The following ATP13A2 variants were observed in gnomAD, a reference collection of about 807,000 sequenced individuals.
ATP13A2 encodes the protein polyamine-transporting ATPase 13A2.
Under a neutral mutation model 138.3 loss-of-function variants are expected in ATP13A2, and 83 were observed. The ratio of observed to expected loss-of-function variants is 0.60; its 90% CI spans 0.50 to 0.72. The LOEUF (loss-of-function observed/expected upper bound fraction) is 0.72. Ranked by LOEUF, ATP13A2 falls within the 30% of genes least tolerant of loss-of-function variation. The pLI, the probability that ATP13A2 is intolerant of heterozygous loss-of-function variation, is 0.00. For missense variants in ATP13A2, 1,402 were observed against 1,606.4 expected (o/e 0.87, Z 2.17); for synonymous variants, 663 against 699.0 (o/e 0.95, Z 0.81).
rs774316771 is a variant in ATP13A2, at chr1:17,002,126, G to C, written c.636-23C>G. ...TTCCTGGAAGAGGGGATGAGGCCAAGCCATCAGAAGGAGGAGCTGTGGCTG... is the reference window on the plus strand; with the variant it reads ...TTCCTGGAAGAGGGGATGAGGCCAACCCATCAGAAGGAGGAGCTGTGGCTG... On this transcript the variant is annotated intron_variant, in intron 7 of 28. Coordinates refer to ENST00000326735, the MANE Select transcript of ATP13A2 (RefSeq NM_022089.4). 1.9e-6 allele frequency: 3 copies of C among 1,610,664 alleles called. No homozygotes were observed. The Admixed American group carries it at 5.0e-5, about 27-fold the overall frequency.
Position 16,990,280 on chromosome 1 carries a change from G to T in ATP13A2, c.2259C>A (p.Asn753Lys). The T allele has an allele frequency of 6.2e-7, 1 of 1,614,038 alleles. No homozygotes were observed. Among genetic ancestry groups the T allele is most frequent in the Non-Finnish European group, 8.5e-7 (1 of 1,180,028 alleles). ...GGGCCACAGTCACCGCTGTCTGCAG[G>T]TTGTCCCCTGGGGGTTATGGGGCAA... ...RIRAVMVTGD[N>K]LQTAVTVARG... is the part of the protein sequence containing the mutation. The change falls in exon 21 of 29, where the codon AAC becomes AAA. Residue 753 changes from asparagine (N) to lysine (K), a missense_variant. Asn to Lys is a moderately conservative substitution (Grantham distance 94). Transcript: ENST00000326735.
rs771707117 is a variant in ATP13A2, at chr1:16,996,020, G to A, written c.1498C>T (p.Arg500Cys). Residue 500 changes from arginine (R) to cysteine (C), a missense_variant, in exon 15 of 29, where the codon CGC becomes TGC. Transcript: ENST00000326735. Reference sequence around the variant, plus strand: ...TGCAGCTTGCCCCCCAGGTTGATGCGCAGTGGGTGGATGCAGAAAATGCCC... The same window carrying A: ...TGCAGCTTGCCCCCCAGGTTGATGCACAGTGGGTGGATGCAGAAAATGCCC... ...RQGIFCIHPL[R>C]INLGGKLQLV... The A allele has an allele frequency of 1.1e-5, 17 of 1,613,936 alleles. 1 individual carries two copies. The highest frequency in any genetic ancestry group is 8.0e-5 in the African/African-American group (6 of 74,942).
At chr1:16,987,862 C>T (rs967286858) in intron 25 of ATP13A2, among the ~76,000 whole-genome samples, 8 of 152,190 alleles carry the variant, frequency 5.3e-5, no homozygotes, top group African/African-American at 1.9e-4. Context: ...TCAGTCTTCC[C>T]TGCAGATTGG....
At chr1:16,987,378 C>T in intron 25 of ATP13A2, 109 bp from the exon 26 acceptor site, 1 of 1,064,466 alleles carries the variant, frequency 9.4e-7, no homozygotes, top group Non-Finnish European at 1.4e-6. Flanking sequence ...ATGGGTAAGG[C>T]ATCCCCCAGT....
In ATP13A2 at chr1:16,987,170, G is replaced by C. The variant is rs777890363; in HGVS notation, c.2959C>G (p.Leu987Val). The C allele has an allele frequency of 1.9e-6, 3 of 1,613,516 alleles. No individual in the cohort carries two copies. The highest frequency in any genetic ancestry group is 2.5e-6 in the Non-Finnish European group (3 of 1,179,834). Reference sequence around the variant, plus strand: ...GCCCCCGGTGGCCGCACCCGTCCCAGGACCAGCGCTGGCCCCGTGCGGCTC... The same window carrying C: ...GCCCCCGGTGGCCGCACCCGTCCCACGACCAGCGCTGGCCCCGTGCGGCTC... ...LMSRTGPALVLGRVRPPGALL... is the reference protein window; with the variant it reads ...LMSRTGPALVVGRVRPPGALL... The change falls in exon 26 of 29, where the codon CTG (leucine) becomes GTG (valine). Residue 987 changes from leucine (L) to valine (V), a missense_variant. Transcript: ENST00000326735.
rs779367060 is a variant in ATP13A2, at chr1:16,992,384, C to A, written c.1864G>T (p.Val622Phe). The change falls in exon 18 of 29, where the codon GTC becomes TTC. Residue 622 changes from valine (V) to phenylalanine (F), a missense_variant. By Grantham distance (50) the Val-to-Phe change is conservative. Transcript: ENST00000326735. ...AAGGGGAAGCGGTGGAGGACGCTGA[C>A]TGGCACCGGGGGCTCCTCCTGCAGG... Reference protein sequence around the residue: ...LQAMEEPPVPVSVLHRFPFSS... With the variant: ...LQAMEEPPVPFSVLHRFPFSS... 1.5e-5 allele frequency: 24 copies of A among 1,613,596 alleles called. No homozygotes were observed. Among genetic ancestry groups the A allele is most frequent in the Non-Finnish European group, 1.9e-5 (23 of 1,179,938 alleles).
Position 17,004,598 on chromosome 1 carries a change from A to G in ATP13A2, c.477+94T>C, listed in dbSNP as rs1570889113. 1 of 1,609,844 alleles carries G rather than the reference A, an allele frequency of 6.2e-7. No homozygotes were observed. The highest frequency in any genetic ancestry group is 8.5e-7 in the Non-Finnish European group (1 of 1,177,046). On this transcript the variant is annotated intron_variant, in intron 5 of 28. Transcript: ENST00000326735. The surrounding 1 kb of genome is among the most constrained non-coding windows in gnomAD (Gnocchi z 4.1). ...CCTGGATGTTTGGGACAACAGAACT[A>G]AAAGGTGGTGGGAGAACATGAAGTC... is the stretch of plus-strand genomic sequence containing the variant.
intron 2 of ATP13A2, 40 bp downstream of exon 2, chr1:17,005,643 CA>C (rs1368558043): frequency 5.6e-6 from 9 of 1,612,806 alleles, no homozygotes; most frequent in Non-Finnish European, 7.6e-6. Context: ...CCTGGGCATT[CA>C]CCCCCTGCAG....
Position 16,995,513 on chromosome 1 carries a change from A to C in ATP13A2, c.1542+463T>G. ...AGTTTTGCTCTGTCACCCAGGCTGG[A>C]GTACAATGGCATGATCTTGGCTCAC... On this transcript the variant is annotated intron_variant, in intron 15 of 28. Transcript: ENST00000326735. The surrounding 1 kb of genome is among the most constrained non-coding windows in gnomAD (Gnocchi z 4.1). 1 of 236,686 alleles carries C rather than the reference A, an allele frequency of 4.2e-6. No individual in the cohort carries two copies. The highest frequency in any genetic ancestry group is 8.5e-6 in the Non-Finnish European group (1 of 118,146). 14.7% of individuals were successfully genotyped at this position (236,686 alleles called of 1,614,324 possible).
intron 3 of ATP13A2, 90 bp downstream of exon 3, chr1:17,005,284 T>A: frequency 6.5e-7 from 1 of 1,531,574 alleles, no homozygotes; most frequent in South Asian, 1.2e-5. Flanking sequence ...CCATGGAAAG[T>A]CAGTGGCCGG....
At chr1:16,996,695 T>G in intron 12 of ATP13A2, 199 bp from the exon 13 acceptor site, 1 of 624,926 alleles carries the variant, frequency 1.6e-6, no homozygotes, top group Non-Finnish European at 2.8e-6. Context: ...AACTAGTGGA[T>G]AGCATCTAAA....
At chr1:16,997,972 G>A (rs1056358717) in intron 11 of ATP13A2, among the ~76,000 whole-genome samples, 3 of 152,154 alleles carry the variant, frequency 2.0e-5, no homozygotes, top group Non-Finnish European at 4.4e-5. Context: ...CTGCATGCTC[G>A]CCATGGCCCT....
intron 6 of ATP13A2, among the ~76,000 whole-genome samples, chr1:17,003,952 G>A (rs562813690): frequency 1.1e-3 from 163 of 152,190 alleles, no homozygotes; most frequent in African/African-American, 3.4e-3. Context: ...GTGAGCCACC[G>A]CACCCAGCCT....
chr1:16,993,736 C>G lies in ATP13A2; in HGVS notation c.1642G>C (p.Val548Leu). The G allele has an allele frequency of 6.3e-7, 1 of 1,592,506 alleles. No individual in the cohort carries two copies. The highest frequency in any genetic ancestry group is 1.3e-5 in the African/African-American group (1 of 74,706). ...GCCAGTGCTCGGAGCAGGGGCCCCA[C>G]AGGCAGGCGGCGAGGCTCTGGGACC... is the stretch of plus-strand genomic sequence containing the variant. ...PLVPEPRRLP[V>L]GPLLRALATC... The change falls in exon 16 of 29, where the codon GTG becomes CTG. Residue 548 changes from valine to leucine, a missense_variant. By Grantham distance (32) the Val-to-Leu change is conservative. Coordinates refer to ENST00000326735, the MANE Select transcript of ATP13A2 (RefSeq NM_022089.4).
chr1:16,996,757 C>A, intron 12 of ATP13A2: 1 of 622,336 alleles, frequency 1.6e-6, no homozygotes. Context: ...CCTGCCTGCC[C>A]GCTACATCCC....
At chr1:16,989,646 T>A (rs373475292) in intron 23 of ATP13A2, 45 bp downstream of exon 23, 40 of 1,593,066 alleles carry the variant, frequency 2.5e-5, no homozygotes, top group Non-Finnish European at 3.4e-5. Flanking sequence ...ACGGACAAGC[T>A]CAGTCTCCGC....
Position 16,996,005 on chromosome 1 carries a change from C to A in ATP13A2, c.1513G>T (p.Gly505Cys). The A allele has an allele frequency of 6.2e-7, 1 of 1,614,070 alleles. No homozygotes were observed. Among genetic ancestry groups the A allele is most frequent in the Non-Finnish European group, 8.5e-7 (1 of 1,180,038 alleles). The part of the protein sequence containing the change: ...CIHPLRINLG[G>C]KLQLVCFDKT... ...TCGAAACACACCAGCTGCAGCTTGCCCCCCAGGTTGATGCGCAGTGGGTGG... is the reference window on the plus strand; with the variant it reads ...TCGAAACACACCAGCTGCAGCTTGCACCCCAGGTTGATGCGCAGTGGGTGG... The change falls in exon 15 of 29, where the codon GGC becomes TGC. Residue 505 changes from glycine (G) to cysteine (C), a missense_variant. Coordinates refer to ENST00000326735, the MANE Select transcript of ATP13A2 (RefSeq NM_022089.4).
At chr1:16,990,075 C>T (rs2076873694) in intron 21 of ATP13A2, 52 bp downstream of exon 21, 1 of 1,613,990 alleles carries the variant, frequency 6.2e-7, no homozygotes, top group Middle Eastern at 1.6e-4. Context: ...TCAGGTGACA[C>T]AGGGGTGGGG....
At position 16,986,794 on chromosome 1, in the gene ATP13A2, C is replaced by A. The variant is rs757851198; in HGVS notation, c.3235+11G>T. The A allele has an allele frequency of 6.2e-7, 1 of 1,611,768 alleles. No individual in the cohort carries two copies. Among genetic ancestry groups the A allele is most frequent in the South Asian group, 1.1e-5 (1 of 90,882 alleles). ...TCCGCCAGCATCTCCCGCCCGCGCC[C>A]GCAGTGGCACCATTGGTGTAGAGCG... On this transcript the variant is annotated intron_variant, in intron 27 of 28. Coordinates refer to ENST00000326735, the MANE Select transcript of ATP13A2 (RefSeq NM_022089.4). This position sits in a 1 kb window ranked among gnomAD's most constrained non-coding sequence, Gnocchi z 6.9.
Sources: allele counts gnomAD v4.1 joint callset (sites outside exome capture counted in the v4.1 genomes callset), GRCh38; gene constraint gnomAD v4.1.1; non-coding constraint Gnocchi (gnomAD v3.1); transcripts MANE v1.5; gene names NCBI Gene and HGNC (gene_info 2026-07-23, HGNC 2026-07-21).